STEAP4: variants seen among roughly 807,000 people sequenced by gnomAD.
STEAP4 encodes STEAP4 metalloreductase.
Under a neutral mutation model 43.6 loss-of-function variants are expected in STEAP4, and 36 were observed. The ratio of observed to expected loss-of-function variants is 0.83; its 90% confidence interval spans 0.63 to 1.09. STEAP4 has a LOEUF of 1.09. STEAP4 is among the 50% of genes least tolerant of loss of function. STEAP4 has a pLI of 0.00. For synonymous variants in STEAP4, 191 were observed against 196.7 expected (o/e 0.97, Z 0.24); for missense variants, 495 against 546.5 (o/e 0.91, Z 0.94).
At chr7:88,287,565 T>C (rs1428762118) in intron 1 of STEAP4, among the ~76,000 whole-genome samples, 1 of 152,104 alleles carries the variant, frequency 6.6e-6, no homozygotes, top group Non-Finnish European at 1.5e-5. Flanking sequence ...ATAATTTAAA[T>C]TAAAATAGGA....
At chr7:88,299,840 C>G (rs568906840) in intron 1 of STEAP4, among the ~76,000 whole-genome samples, 5 of 152,200 alleles carry the variant, frequency 3.3e-5, no homozygotes, top group Non-Finnish European at 7.3e-5. Context: ...ACCCCCATTC[C>G]TTGCTGTTGG....
chr7:88,286,741 C>T (rs1235697024), intron 1 of STEAP4, among the ~76,000 whole-genome samples: 3 of 148,892 alleles, frequency 2.0e-5, no homozygotes, highest in African/African-American at 4.9e-5. Flanking sequence ...TGAGCAATTC[C>T]TTCAGGGCCC....
At chr7:88,294,963 A>G (rs542782933) in intron 1 of STEAP4, among the ~76,000 whole-genome samples, 9 of 152,264 alleles carry the variant, frequency 5.9e-5, no homozygotes, top group African/African-American at 1.7e-4. Flanking sequence ...TATGCACACC[A>G]TTAGGAGTCT....
chr7:88,304,315 C>A (rs1392007183), intron 1 of STEAP4: 4 of 150,770 alleles, frequency 2.7e-5, no homozygotes, highest in African/African-American at 9.7e-5. Flanking sequence ...TGCACATGTA[C>A]CCTAAAACTT....
chr7:88,306,045 T>C (rs1853124099), intron 1 of STEAP4, among the ~76,000 whole-genome samples: 2 of 152,202 alleles, frequency 1.3e-5, no homozygotes, highest in Admixed American at 1.3e-4. Flanking sequence ...ATTTTTGTAT[T>C]TTTAGTAGAG....
At chr7:88,298,996 A>G (rs147744299) in intron 1 of STEAP4, among the ~76,000 whole-genome samples, 100 of 152,310 alleles carry the variant, frequency 6.6e-4, no homozygotes, top group African/African-American at 2.3e-3. Flanking sequence ...AATGTTCTAT[A>G]GAGATGTATC....
In STEAP4 at chr7:88,272,797, C is replaced by T. The variant is rs951904756; in HGVS notation, c.*6601G>A. On this transcript the variant is annotated 3_prime_UTR_variant, in exon 5 of 5. Transcript: ENST00000380079. ...CTAAGAAAAATGGGTAGAAGTACAA[C>T]TAGGGAAACTTTGGTTATCTACAGA... The T allele has an allele frequency of 6.6e-6, 1 of 152,144 alleles. No individual in the cohort carries two copies. The highest frequency in any genetic ancestry group is 2.4e-5 in the African/African-American group (1 of 41,430). The allele number at this position is 152,144 out of a possible 1,614,324, so 9.4% of individuals were successfully genotyped here.
At chr7:88,290,792 T>A (rs1245210249) in intron 1 of STEAP4, 1 of 152,218 alleles carries the variant, frequency 6.6e-6, no homozygotes. Context: ...CCAAGGAGAA[T>A]CCACCATGGC....
chr7:88,289,943 G>T (rs968963737), intron 1 of STEAP4, among the ~76,000 whole-genome samples: 7 of 152,190 alleles, frequency 4.6e-5, no homozygotes, highest in Non-Finnish European at 8.8e-5. Flanking sequence ...GCTGAACAAT[G>T]CCTTCATTAT....
At chr7:88,279,894 C>G (rs1472506639) in intron 4 of STEAP4, among the ~76,000 whole-genome samples, 1 of 152,122 alleles carries the variant, frequency 6.6e-6, no homozygotes, top group Admixed American at 6.5e-5. Context: ...GTAAACTCTT[C>G]CAAGTTAGAA....
Position 88,273,365 on chromosome 7 carries a change from T to C in STEAP4, c.*6033A>G, listed in dbSNP as rs1035171018. The C allele has an allele frequency of 7.9e-5, 12 of 152,212 alleles. No individual in the cohort carries two copies. Among genetic ancestry groups the C allele is most frequent in the African/African-American group, 2.7e-4 (11 of 41,460 alleles). The allele number at this position is 152,212 out of a possible 1,614,324, so 9.4% of individuals were successfully genotyped here. On this transcript the variant is annotated 3_prime_UTR_variant, in exon 5 of 5. Transcript: ENST00000380079. ...CTAAAAATCATAAGGCCAAGTTTAA[T>C]TCTGGGTTTCTATTTTATCACAATC...
At chr7:88,303,079 T>C (rs897615221) in intron 1 of STEAP4, among the ~76,000 whole-genome samples, 1 of 151,338 alleles carries the variant, frequency 6.6e-6, no homozygotes, top group Admixed American at 6.6e-5. Context: ...TATTTAGAAT[T>C]ATAGTTCCTA....
chr7:88,282,913 T>C lies in STEAP4; in HGVS notation c.712A>G (p.Met238Val), dbSNP rs1219589180. ...VYEKKDNTFR[M>V]AISIPNRIFP... ...ATACGATTTGGAATGGAAATAGCCA[T>C]ACGAAATGTATTATCTTTCTTTTCA... The change falls in exon 3 of 5, where the codon ATG (methionine) becomes GTG (valine). Residue 238 changes from methionine (M) to valine (V), a missense_variant. Physicochemically the swap from Met to Val is conservative, Grantham distance 21. Coordinates refer to ENST00000380079, the MANE Select transcript of STEAP4 (RefSeq NM_024636.4). The C allele has an allele frequency of 5.6e-6, 9 of 1,614,092 alleles. No homozygotes were observed. The highest frequency in any genetic ancestry group is 7.6e-6 in the Non-Finnish European group (9 of 1,180,040).
At chr7:88,288,006 A>G (rs1394154799) in intron 1 of STEAP4, among the ~76,000 whole-genome samples, 1 of 152,168 alleles carries the variant, frequency 6.6e-6, no homozygotes, top group Non-Finnish European at 1.5e-5. Context: ...AGCCAGATGG[A>G]GTCAGTTAGT....
chr7:88,302,838 T>A (rs548532801), intron 1 of STEAP4, among the ~76,000 whole-genome samples: 41 of 151,052 alleles, frequency 2.7e-4, no homozygotes, highest in Non-Finnish European at 4.1e-4. Flanking sequence ...CCTTTAATTC[T>A]AGCTACTCAG....
chr7:88,282,828 G>T lies in STEAP4; in HGVS notation c.797C>A (p.Ala266Asp). 6.2e-7 allele frequency: 1 copy of T among 1,614,170 alleles called. No individual in the cohort carries two copies. Residue 266 changes from alanine (A) to aspartate (D), a missense_variant, in exon 3 of 5, where the codon GCC (alanine) becomes GAC (aspartate). Transcript: ENST00000380079. The stretch of plus-strand genomic sequence containing the variant: ...TGTGCCTCGGTACAGTTGTAGAATG[G>T]CAGCAATAACACCAGGGAGGTAAAC... ...ALVYLPGVIA[A>D]ILQLYRGTKY...
Position 88,303,051 on chromosome 7 carries a change from TTC to T in STEAP4, c.-3+3739_-3+3740del, listed in dbSNP as rs1210108451. On this transcript the variant is annotated intron_variant, in intron 1 of 4. Transcript: ENST00000380079. ...AAGAGCTGTGCTATATAGTTTTATT[TTC>T]TTTTAGCCTTCTTTTTATTTAGAAT... Among the ~76,000 whole-genome samples, 3 of 151,658 alleles carry T rather than the reference TTC, an allele frequency of 2.0e-5. No individual in the cohort carries two copies. The East Asian group carries it at 5.8e-4, about 29-fold the overall frequency.
intron 1 of STEAP4, among the ~76,000 whole-genome samples, chr7:88,286,952 T>C (rs1852747258): frequency 2.0e-5 from 3 of 152,022 alleles, no homozygotes; most frequent in Admixed American, 2.0e-4. Context: ...CACTCTGTAA[T>C]GGGGCTACAG....
intron 3 of STEAP4, among the ~76,000 whole-genome samples, chr7:88,281,297 T>C (rs1225386466): frequency 1.3e-5 from 2 of 152,110 alleles, no homozygotes; most frequent in African/African-American, 4.8e-5. Flanking sequence ...ATTCTAGGAG[T>C]TGTGTAGAAA....
Sources: gnomAD v4.1 joint callset for allele counts (sites outside exome capture counted in the v4.1 genomes callset) on GRCh38, gnomAD v4.1.1 for gene constraint, MANE v1.5 for transcripts, NCBI Gene and HGNC (gene_info 2026-07-23, HGNC 2026-07-21) for gene names.